ESRRA: variants seen among roughly 807,000 people sequenced by gnomAD.
The protein encoded by ESRRA is estrogen related receptor alpha.
A neutral mutation model predicts 35.6 loss-of-function variants in ESRRA; 7 were observed. The ratio of observed to expected loss-of-function variants is 0.20; its 90% CI spans 0.11 to 0.37. ESRRA has a LOEUF of 0.37. Among genes scored for constraint, ESRRA ranks in the 10% least tolerant of loss-of-function variants. The pLI, the probability that ESRRA is intolerant of heterozygous loss-of-function variation, is 1.00. For missense variants in ESRRA, 378 were observed against 561.7 expected, an observed-to-expected ratio of 0.67 and a Z score of 3.31; for synonymous variants, 223 against 246.9, an observed-to-expected ratio of 0.90 and a Z score of 0.91.
rs2035189052 is a variant in ESRRA, at chr11:64,313,964, C to T, written c.339C>T (p.Tyr113=). The change falls in exon 3 of 7, where the codon TAC becomes TAT. Residue 113 remains tyrosine (Y), a synonymous_variant. Coordinates refer to ENST00000000442, the MANE Select transcript of ESRRA (RefSeq NM_004451.5). This position sits in a 1 kb window ranked among gnomAD's most constrained non-coding sequence, Gnocchi z 4.0. ...FKRTIQGSIE[Y]SCPASNECEI... Reference sequence around the variant, plus strand: ...TCTTCCTGGCAGGGAGCATCGAGTACAGCTGTCCGGCCTCCAACGAGTGTG... The same window carrying T: ...TCTTCCTGGCAGGGAGCATCGAGTATAGCTGTCCGGCCTCCAACGAGTGTG... The T allele has an allele frequency of 1.3e-6, 2 of 1,578,224 alleles. No individual in the cohort carries two copies. The highest frequency in any genetic ancestry group is 1.7e-6 in the Non-Finnish European group (2 of 1,162,234).
intron 2 of ESRRA, among the ~76,000 whole-genome samples, chr11:64,310,316 G>A (rs1271308031): frequency 6.7e-6 from 1 of 149,384 alleles, no homozygotes; most frequent in African/African-American, 2.5e-5. Flanking sequence ...CTCACTGCAA[G>A]CTCCGCCTCC....
At chr11:64,311,484 C>T (rs1228795121) in intron 2 of ESRRA, among the ~76,000 whole-genome samples, 3 of 150,948 alleles carry the variant, frequency 2.0e-5, no homozygotes, top group East Asian at 3.9e-4. Flanking sequence ...GGCGCGATCT[C>T]GGCTCAGTGC....
Position 64,316,216 on chromosome 11 carries a change from T to C in ESRRA, c.*250T>C, listed in dbSNP as rs1348845080. ...TGCAAGCCATAACGTGCCCCCAGAGTGTAGGGGGCCTTGCGGAAGCCATAG... is the reference window on the plus strand; with the variant it reads ...TGCAAGCCATAACGTGCCCCCAGAGCGTAGGGGGCCTTGCGGAAGCCATAG... On this transcript the variant is annotated 3_prime_UTR_variant, in exon 7 of 7. Transcript: ENST00000000442. The C allele has an allele frequency of 4.4e-6, 2 of 452,784 alleles. No individual in the cohort carries two copies. The highest frequency in any genetic ancestry group is 7.9e-6 in the Non-Finnish European group (2 of 254,064). The allele number at this position is 452,784 out of a possible 1,614,324, so 28.0% of individuals were successfully genotyped here. A position where few individuals can be genotyped will look rare whatever the true frequency, so the allele number is the denominator to read the frequency against.
Position 64,314,807 on chromosome 11 carries a change from C to T in ESRRA, c.638C>T (p.Pro213Leu), listed in dbSNP as rs2035209155. Residue 213 changes from proline to leucine, a missense_variant, in exon 5 of 7, where the codon CCT becomes CTT. Pro to Leu is a moderately conservative substitution (Grantham distance 98). Around this residue, in one of 4 missense-constraint regions of ESRRA, gnomAD observed 284 missense variants for 411.7 expected, o/e 0.69. Transcript: ENST00000000442. ...VVEPEKLYAM[P>L]DPAGPDGHLP... is the part of the protein sequence containing the mutation. Reference sequence around the variant, plus strand: ...GAGCCTGAGAAGCTCTATGCCATGCCTGACCCCGCAGGCCCTGATGGGCAC... The same window carrying T: ...GAGCCTGAGAAGCTCTATGCCATGCTTGACCCCGCAGGCCCTGATGGGCAC... 3 of 1,612,472 alleles carry T rather than the reference C, an allele frequency of 1.9e-6. No homozygotes were observed. The highest frequency in any genetic ancestry group is 1.3e-5 in the African/African-American group (1 of 75,038).
Position 64,315,225 on chromosome 11 carries a change from C to A in ESRRA, c.967C>A (p.Arg323=). Residue 323 remains arginine, a synonymous_variant, in exon 6 of 7, where the codon CGA becomes AGA. Transcript: ENST00000000442. ...GCGGCTGCAGGCCCTGCGGCTGGAG[C>A]GAGAGGAGTATGTTCTACTAAAGGC... The part of the protein sequence containing the change: ...VRRLQALRLE[R]EEYVLLKALA... The A allele has an allele frequency of 6.2e-7, 1 of 1,604,144 alleles. No homozygotes were observed. Among genetic ancestry groups the A allele is most frequent in the East Asian group, 2.2e-5 (1 of 44,768 alleles).
At chr11:64,310,966 G>A (rs1044055980) in intron 2 of ESRRA, among the ~76,000 whole-genome samples, 2 of 152,158 alleles carry the variant, frequency 1.3e-5, no homozygotes, top group Non-Finnish European at 1.5e-5. Flanking sequence ...CTACCCTGGG[G>A]CCCCTCACTG....
In ESRRA at chr11:64,314,769, TCTG is replaced by T. The variant is rs1341382211; in HGVS notation, c.604_606del (p.Leu202del). On this transcript the variant is annotated inframe_deletion, in exon 5 of 7. Coordinates refer to ENST00000000442, the MANE Select transcript of ESRRA (RefSeq NM_004451.5). ...CCCCAGTGAATGCACTGGTGTCTCA[TCTG>T]CTGGTGGTTGAGCCTGAGAAGCTCT... is the stretch of plus-strand genomic sequence containing the variant. 1 of 1,612,186 alleles carries T rather than the reference TCTG, an allele frequency of 6.2e-7. No individual in the cohort carries two copies. Among genetic ancestry groups the T allele is most frequent in the East Asian group, 2.2e-5 (1 of 44,890 alleles).
At chr11:64,314,627 A>G (rs2035204889) in intron 4 of ESRRA, 114 bp from the exon 5 acceptor site, 17 of 1,099,266 alleles carry the variant, frequency 1.5e-5, no homozygotes, top group Non-Finnish European at 2.2e-5. Flanking sequence ...GAGGGAAGTC[A>G]CTGGACAGCT....
intron 4 of ESRRA, 141 bp downstream of exon 4, chr11:64,314,508 C>G (rs2035202129): frequency 5.2e-6 from 6 of 1,156,962 alleles, no homozygotes; most frequent in Non-Finnish European, 7.1e-6. Flanking sequence ...CTGCCTTTTC[C>G]TGCATCAGGA....
At chr11:64,311,784 C>A (rs553427371) in intron 2 of ESRRA, among the ~76,000 whole-genome samples, 1 of 151,984 alleles carries the variant, frequency 6.6e-6, no homozygotes, top group Non-Finnish European at 1.5e-5. Context: ...CCTCCGCCTC[C>A]CAGGTTCAAG....
chr11:64,314,315 G>A lies in ESRRA; in HGVS notation c.519G>A (p.Pro173=), dbSNP rs747413361. Reference sequence around the variant, plus strand: ...CGGAGGTGGACCCACTGCCCTTCCCGGGCCCCTTCCCTGCTGGGCCCCTGG... The same window carrying A: ...CGGAGGTGGACCCACTGCCCTTCCCAGGCCCCTTCCCTGCTGGGCCCCTGG... ...RRPEVDPLPF[P]GPFPAGPLAV... The change falls in exon 4 of 7, where the codon CCG becomes CCA. Residue 173 remains proline (P), a synonymous_variant. Transcript: ENST00000000442. 44 of 1,607,790 alleles carry A rather than the reference G, an allele frequency of 2.7e-5. No individual in the cohort carries two copies. Among genetic ancestry groups the A allele is most frequent in the Non-Finnish European group, 3.5e-5 (41 of 1,177,730 alleles).
At chr11:64,315,613 TCTTC>T (rs2035233998) in intron 6 of ESRRA, 90 bp from the exon 7 acceptor site, 1 of 1,506,610 alleles carries the variant, frequency 6.6e-7, no homozygotes, top group South Asian at 1.2e-5. Flanking sequence ...CTCGTTTGGC[TCTTC>T]CTTAGGCCCC....
rs766532217 is a variant in ESRRA, at chr11:64,314,853, C to T, written c.684C>T (p.Leu228=). The change falls in exon 5 of 7, where the codon CTC becomes CTT. Residue 228 remains leucine, a synonymous_variant. Transcript: ENST00000000442. ...GGCACCTCCCAGCCGTGGCTACCCT[C>T]TGTGACCTCTTTGACCGAGAGATTG... The part of the protein sequence containing the change: ...PDGHLPAVAT[L]CDLFDREIVV... 26 of 1,612,436 alleles carry T rather than the reference C, an allele frequency of 1.6e-5. No individual in the cohort carries two copies. The highest frequency in any genetic ancestry group is 5.0e-5 in the Admixed American group (3 of 60,012).
At chr11:64,311,741 A>G (rs2035143934) in intron 2 of ESRRA, among the ~76,000 whole-genome samples, 2 of 148,378 alleles carry the variant, frequency 1.3e-5, no homozygotes, top group Non-Finnish European at 3.0e-5. Flanking sequence ...TTGCCAGGCT[A>G]TAGTACAGTG....
At chr11:64,314,685 C>T (rs2035206319) in intron 4 of ESRRA, 56 bp from the exon 5 acceptor site, 9 of 1,541,544 alleles carry the variant, frequency 5.8e-6, no homozygotes, top group Non-Finnish European at 7.9e-6. Context: ...AGATGCTTGA[C>T]CCCTGAGGCC....
Position 64,316,269 on chromosome 11 carries a change from G to A in ESRRA, c.*303G>A, listed in dbSNP as rs1248698249. ...GGCTGCACGGGATGCGTGGGAGGCA[G>A]AAACCTATCTCAGGGAGGGAAGGGG... On this transcript the variant is annotated 3_prime_UTR_variant, in exon 7 of 7. Coordinates refer to ENST00000000442, the MANE Select transcript of ESRRA (RefSeq NM_004451.5). The A allele has an allele frequency of 1.3e-5, 4 of 317,994 alleles. No individual in the cohort carries two copies. The highest frequency in any genetic ancestry group is 2.4e-5 in the Non-Finnish European group (4 of 169,918). 19.7% of individuals were successfully genotyped at this position (317,994 alleles called of 1,614,324 possible).
intron 2 of ESRRA, among the ~76,000 whole-genome samples, chr11:64,310,622 A>G (rs2035123869): frequency 7.5e-6 from 1 of 133,440 alleles, no homozygotes; most frequent in South Asian, 2.3e-4. Context: ...GTCGTGGTTC[A>G]CTGCAACCTC....
At position 64,314,920 on chromosome 11, in the gene ESRRA, C is replaced by G. The variant is rs1380667423; in HGVS notation, c.742+9C>G. 1 of 1,611,094 alleles carries G rather than the reference C, an allele frequency of 6.2e-7. No individual in the cohort carries two copies. Among genetic ancestry groups the G allele is most frequent in the Non-Finnish European group, 8.5e-7 (1 of 1,179,516 alleles). ...GGCCAAGAGCATCCCAGGTAAAGGGCCCAGGTGACCCGGGGCTGCCCTGAA... is the reference window on the plus strand; with the variant it reads ...GGCCAAGAGCATCCCAGGTAAAGGGGCCAGGTGACCCGGGGCTGCCCTGAA... On this transcript the variant is annotated intron_variant, in intron 5 of 6. Transcript: ENST00000000442.
At position 64,314,833 on chromosome 11, in the gene ESRRA, C is replaced by T; in HGVS notation, c.664C>T (p.Leu222Phe). The T allele has an allele frequency of 6.2e-7, 1 of 1,612,482 alleles. No individual in the cohort carries two copies. The highest frequency in any genetic ancestry group is 1.1e-5 in the South Asian group (1 of 91,032). Residue 222 changes from leucine to phenylalanine, a missense_variant, in exon 5 of 7, where the codon CTC becomes TTC. Physicochemically the swap from Leu to Phe is conservative, Grantham distance 22. This residue lies in a region of ESRRA where 284 missense variants were observed against 411.7 expected (regional missense o/e 0.69). Coordinates refer to ENST00000000442, the MANE Select transcript of ESRRA (RefSeq NM_004451.5). The part of the protein sequence containing the change: ...MPDPAGPDGH[L>F]PAVATLCDLF... ...TGACCCCGCAGGCCCTGATGGGCAC[C>T]TCCCAGCCGTGGCTACCCTCTGTGA...
Sources: gnomAD v4.1 joint callset for allele counts (sites outside exome capture counted in the v4.1 genomes callset) on GRCh38, gnomAD v4.1.1 for gene constraint, gnomAD v4.1.1 regional missense constraint, Gnocchi (gnomAD v3.1) non-coding constraint, MANE v1.5 for transcripts, NCBI Gene and HGNC (gene_info 2026-07-23, HGNC 2026-07-21) for gene names.